The following ZSWIM7 variants were observed in gnomAD, a reference collection of about 807,000 sequenced individuals.
ZSWIM7 encodes the protein zinc finger SWIM-type containing 7.
Under a neutral mutation model 21.1 loss-of-function variants are expected in ZSWIM7, and 22 were observed. That is an observed-to-expected ratio of 1.04 (90% confidence interval 0.74 to 1.49). The LOEUF (loss-of-function observed/expected upper bound fraction) is 1.49. Among genes scored for constraint, ZSWIM7 ranks in the 40% most tolerant of loss-of-function variants. The pLI is 0.00. For synonymous variants in ZSWIM7, 67 were observed against 66.5 expected, an observed-to-expected ratio of 1.01 and a Z score of -0.04; for missense variants, 193 against 168.0, an observed-to-expected ratio of 1.15 and a Z score of -0.82.
chr17:15,979,638 C>A (rs1970325398), intron 4 of ZSWIM7, among the ~76,000 whole-genome samples: 1 of 137,304 alleles, frequency 7.3e-6, no homozygotes, highest in Non-Finnish European at 1.6e-5. Context: ...CACCTCCCTC[C>A]CGGACGGGGC....
chr17:15,999,051 G>A (rs1970619954), intron 1 of ZSWIM7, among the ~76,000 whole-genome samples: 1 of 152,094 alleles, frequency 6.6e-6, no homozygotes, highest in African/African-American at 2.4e-5. Flanking sequence ...CCACTGCGCT[G>A]GGCCTACTTT....
At chr17:15,992,217 G>A (rs983177816) in intron 2 of ZSWIM7, among the ~76,000 whole-genome samples, 2 of 152,006 alleles carry the variant, frequency 1.3e-5, no homozygotes, top group African/African-American at 2.4e-5. Context: ...GTGAGCCACC[G>A]CACCTGGCCA....
At chr17:15,996,718 G>A (rs542394679) in intron 1 of ZSWIM7, among the ~76,000 whole-genome samples, 5 of 152,190 alleles carry the variant, frequency 3.3e-5, no homozygotes, top group South Asian at 4.2e-4. Flanking sequence ...GGGCATGGTG[G>A]TGCACACCTG....
chr17:15,981,317 C>CT (rs1970352656), intron 3 of ZSWIM7, among the ~76,000 whole-genome samples, 173 bp from the exon 4 acceptor site: 1 of 151,834 alleles, frequency 6.6e-6, no homozygotes, highest in Non-Finnish European at 1.5e-5. Context: ...ACAGACTCTC[C>CT]CTTCCTCACC....
chr17:15,989,304 T>A (rs1970453077), intron 2 of ZSWIM7, among the ~76,000 whole-genome samples: 1 of 152,142 alleles, frequency 6.6e-6, no homozygotes, highest in South Asian at 2.1e-4. Flanking sequence ...TACAATTATG[T>A]CAAAATTAAA....
intron 1 of ZSWIM7, among the ~76,000 whole-genome samples, chr17:15,999,137 C>T (rs1350183398): frequency 2.0e-5 from 3 of 152,114 alleles, no homozygotes; most frequent in South Asian, 4.1e-4. Flanking sequence ...TTCAAAATTT[C>T]GTGTAAAATA....
intron 3 of ZSWIM7, 96 bp downstream of exon 3, chr17:15,987,170 G>T: frequency 2.0e-6 from 2 of 1,008,398 alleles, no homozygotes; most frequent in Non-Finnish European, 2.8e-6. Context: ...AACAGTCCAG[G>T]AAATATTTAA....
intron 2 of ZSWIM7, among the ~76,000 whole-genome samples, chr17:15,990,564 TA>T (rs201948367): frequency 0.011 from 1,659 of 152,124 alleles, 16 homozygotes; most frequent in Non-Finnish European, 0.014. Context: ...GTTATTTTTA[TA>T]AACTAGAAAA....
chr17:15,999,130 A>T (rs1241606907), intron 1 of ZSWIM7, among the ~76,000 whole-genome samples: 2 of 152,222 alleles, frequency 1.3e-5, no homozygotes, highest in East Asian at 3.9e-4. Flanking sequence ...TTAATAATTC[A>T]AAATTTCGTG....
intron 2 of ZSWIM7, among the ~76,000 whole-genome samples, chr17:15,988,680 C>T (rs938270218): frequency 1.3e-5 from 2 of 151,736 alleles, no homozygotes; most frequent in Non-Finnish European, 2.9e-5. Flanking sequence ...AACTAAAACA[C>T]ACAAAAAAGT....
chr17:15,993,094 T>G (rs1265255739), intron 2 of ZSWIM7, among the ~76,000 whole-genome samples: 1 of 152,126 alleles, frequency 6.6e-6, no homozygotes, highest in Non-Finnish European at 1.5e-5. Flanking sequence ...GTCAGGCTGG[T>G]CTTGAACTCC....
chr17:15,996,866 A>T (rs998554471), intron 1 of ZSWIM7, among the ~76,000 whole-genome samples: 20 of 151,544 alleles, frequency 1.3e-4, no homozygotes, highest in African/African-American at 4.8e-4. Flanking sequence ...AAAAAAAAAA[A>T]ATTTTACATG....
chr17:15,983,643 A>G (rs1215338268), intron 3 of ZSWIM7, among the ~76,000 whole-genome samples: 5 of 152,020 alleles, frequency 3.3e-5, no homozygotes, highest in Admixed American at 1.3e-4. Context: ...CTGGAGTGCA[A>G]TGATGCAATC....
In ZSWIM7 at chr17:15,999,684, C is replaced by A. The variant is rs746772446; in HGVS notation, c.-90G>T. ...CCTGTGGAGGATCCTGACCCCCCGCCGGGGCAGGGCGAGACGGAGTGACGT... is the reference window on the plus strand; with the variant it reads ...CCTGTGGAGGATCCTGACCCCCCGCAGGGGCAGGGCGAGACGGAGTGACGT... On this transcript the variant is annotated 5_prime_UTR_variant, in exon 1 of 5. Coordinates refer to ENST00000399277, the MANE Select transcript of ZSWIM7 (RefSeq NM_001042697.2). 6.4e-7 allele frequency: 1 copy of A among 1,555,816 alleles called. No individual in the cohort carries two copies. The highest frequency in any genetic ancestry group is 1.2e-5 in the South Asian group (1 of 84,900).
In ZSWIM7 at chr17:15,999,702, A is replaced by G. The variant is rs769355807; in HGVS notation, c.-108T>C. 1 of 1,553,748 alleles carries G rather than the reference A, an allele frequency of 6.4e-7. No individual in the cohort carries two copies. Among genetic ancestry groups the G allele is most frequent in the South Asian group, 1.2e-5 (1 of 84,778 alleles). On this transcript the variant is annotated 5_prime_UTR_variant, in exon 1 of 5. Transcript: ENST00000399277. The stretch of plus-strand genomic sequence containing the variant: ...CCCCCGCCGGGGCAGGGCGAGACGG[A>G]GTGACGTCGGGGCGCGTCATCGCGC...
At position 15,981,205 on chromosome 17, in the gene ZSWIM7, CT is replaced by C. The variant is rs1285749165; in HGVS notation, c.202-62del. On this transcript the variant is annotated intron_variant, in intron 3 of 4. Coordinates refer to ENST00000399277, the MANE Select transcript of ZSWIM7 (RefSeq NM_001042697.2). ...TGTGCTGGAAAAACCACCTCTTTCC[CT>C]TTTTATTTATGTAGACTCAGAGTTG... 6 of 1,262,702 alleles carry C rather than the reference CT, an allele frequency of 4.8e-6. No homozygotes were observed. In the Admixed American group the frequency reaches 7.7e-5, roughly 16 times the overall value. The allele number at this position is 1,262,702 out of a possible 1,614,324, so 78.2% of individuals were successfully genotyped here.
intron 2 of ZSWIM7, among the ~76,000 whole-genome samples, chr17:15,991,914 GTTTGT>G (rs1232326492): frequency 2.4e-4 from 12 of 49,560 alleles, no homozygotes; most frequent in South Asian, 1.2e-3. Flanking sequence ...GTTTTTTTTT[GTTTGT>G]TTTGTTTTGT....
At chr17:15,991,589 C>G (rs1258065428) in intron 2 of ZSWIM7, among the ~76,000 whole-genome samples, 1 of 152,014 alleles carries the variant, frequency 6.6e-6, no homozygotes, top group Admixed American at 6.6e-5. Context: ...TGTCTTTTTC[C>G]TCCCAAAGGA....
At chr17:15,999,234 C>CTG (rs1970626458) in intron 1 of ZSWIM7, 1 of 568,518 alleles carries the variant, frequency 1.8e-6, no homozygotes, top group African/African-American at 1.9e-5. Context: ...ACCCGGCCAG[C>CTG]TCTCAGCACT....
Sources: allele counts gnomAD v4.1 joint callset (sites outside exome capture counted in the v4.1 genomes callset), GRCh38; gene constraint gnomAD v4.1.1; transcripts MANE v1.5; gene names NCBI Gene and HGNC (gene_info 2026-07-23, HGNC 2026-07-21).